Variants in LTBP1 observed in about 807,000 individuals in gnomAD.
The protein encoded by LTBP1 is latent transforming growth factor beta binding protein 1.
Under a neutral mutation model 207.6 loss-of-function variants are expected in LTBP1, and 129 were observed. The ratio of observed to expected loss-of-function variants is 0.62; its 90% CI spans 0.54 to 0.72. LTBP1 has a LOEUF of 0.72. Among genes scored for constraint, LTBP1 ranks in the 30% least tolerant of loss-of-function variants. The probability of loss-of-function intolerance (pLI) is 0.00; values close to 1 mark genes in which losing one functional copy is unlikely to be tolerated. For missense variants in LTBP1, 2,281 were observed against 2,217.2 expected (o/e 1.03, Z -0.58); for synonymous variants, 963 against 833.7 (o/e 1.16, Z -2.67).
At chr2:32,974,225 G>A (rs1558460023) in intron 2 of LTBP1, among the ~76,000 whole-genome samples, 1 of 152,152 alleles carries the variant, frequency 6.6e-6, no homozygotes, top group African/African-American at 2.4e-5. Context: ...AACAGCGTAT[G>A]AAGGTTCCCT....
chr2:33,114,830 G>T (rs1221713993), intron 4 of LTBP1, among the ~76,000 whole-genome samples: 2 of 152,088 alleles, frequency 1.3e-5, no homozygotes, highest in East Asian at 1.9e-4. Context: ...TTAAGATACT[G>T]CATGAGTTTC....
rs1226490955 is a variant in LTBP1, at chr2:33,342,939, C to T, written c.3832C>T (p.Pro1278Ser). ...CCTCTGTTATCAGGGCTTTCAAGCC[C>T]CACAGGATGGGCAAGGGTGTGTGGG... Reference protein sequence around the residue: ...RCLCYQGFQAPQDGQGCVDVN... With the variant: ...RCLCYQGFQASQDGQGCVDVN... The change falls in exon 25 of 34, where the codon CCA (proline) becomes TCA (serine). Residue 1278 changes from proline to serine, a missense_variant. By Grantham distance (74) the Pro-to-Ser change is moderately conservative. Around this residue, in one of 3 missense-constraint regions of LTBP1, gnomAD observed 1,671 missense variants for 1,634.8 expected, o/e 1.02. Coordinates refer to ENST00000404816, the MANE Select transcript of LTBP1 (RefSeq NM_206943.4). 3 of 1,613,858 alleles carry T rather than the reference C, an allele frequency of 1.9e-6. No individual in the cohort carries two copies. Among genetic ancestry groups the T allele is most frequent in the African/African-American group, 2.7e-5 (2 of 75,038 alleles).
chr2:32,966,862 T>G lies in LTBP1; in HGVS notation c.565+17917T>G, dbSNP rs117081435. Among the ~76,000 whole-genome samples, 46 of 152,262 alleles carry G rather than the reference T, an allele frequency of 3.0e-4. No individual in the cohort carries two copies. In the East Asian group the frequency reaches 7.9e-3, roughly 26 times the overall value. Reference sequence around the variant, plus strand: ...TGTTCCTGTAATGTCTTTGCCTGATTTTGGTATTAGGGTGATGCTGGCCTC... The same window carrying G: ...TGTTCCTGTAATGTCTTTGCCTGATGTTGGTATTAGGGTGATGCTGGCCTC... On this transcript the variant is annotated intron_variant, in intron 2 of 33. Transcript: ENST00000404816.
intron 31 of LTBP1, among the ~76,000 whole-genome samples, chr2:33,373,094 A>G (rs2095089980): frequency 6.6e-6 from 1 of 152,244 alleles, no homozygotes; most frequent in African/African-American, 2.4e-5. Flanking sequence ...CATTGTAAGT[A>G]AACGGAACAA....
At chr2:33,263,516 G>A in intron 15 of LTBP1, 124 bp downstream of exon 15, 3 of 609,226 alleles carry the variant, frequency 4.9e-6, no homozygotes, top group Admixed American at 2.7e-5. Context: ...GCAAATATTT[G>A]GAAATCATCT....
intron 31 of LTBP1, among the ~76,000 whole-genome samples, chr2:33,380,915 T>C (rs926065494): frequency 1.3e-5 from 2 of 152,164 alleles, no homozygotes; most frequent in African/African-American, 4.8e-5. Context: ...GTTCTTTGTA[T>C]GTATAACTTA....
At chr2:33,210,225 A>G (rs2090204877) in intron 7 of LTBP1, among the ~76,000 whole-genome samples, 1 of 152,222 alleles carries the variant, frequency 6.6e-6, no homozygotes, top group Non-Finnish European at 1.5e-5. Context: ...GAGATAAGAT[A>G]TTATTCGTGC....
chr2:33,240,645 C>CTTTTTTTT (rs869193074), intron 9 of LTBP1, among the ~76,000 whole-genome samples: 4 of 100,816 alleles, frequency 4.0e-5, no homozygotes, highest in East Asian at 2.7e-4. Context: ...TGGAAACATT[C>CTTTTTTTT]TTTTTTTTTT....
chr2:33,215,870 C>T (rs1397047349), intron 7 of LTBP1, among the ~76,000 whole-genome samples: 1 of 152,030 alleles, frequency 6.6e-6, no homozygotes, highest in Middle Eastern at 3.2e-3. Context: ...CACGCACCAC[C>T]ACGCTGGCTA....
intron 3 of LTBP1, among the ~76,000 whole-genome samples, chr2:33,031,545 G>A (rs914468676): frequency 6.6e-6 from 1 of 152,208 alleles, no homozygotes; most frequent in African/African-American, 2.4e-5. Flanking sequence ...AAACTATGTG[G>A]TGCATAGTAT....
chr2:33,389,244 A>G lies in LTBP1; in HGVS notation c.4772A>G (p.Asp1591Gly). ...VTGRRQPYGR[D>G]ALVDFSEQYT... The stretch of plus-strand genomic sequence containing the variant: ...GGACGCCGGCAGCCATATGGACGGG[A>G]CGCCTTGGTTGACTTCAGTGAACAG... Residue 1591 changes from aspartate to glycine, a missense_variant, in exon 32 of 34, where the codon GAC becomes GGC. Coordinates refer to ENST00000404816, the MANE Select transcript of LTBP1 (RefSeq NM_206943.4). The G allele has an allele frequency of 6.2e-7, 1 of 1,614,156 alleles. No individual in the cohort carries two copies.
At chr2:32,978,534 A>G (rs1468077185) in intron 2 of LTBP1, among the ~76,000 whole-genome samples, 2 of 151,246 alleles carry the variant, frequency 1.3e-5, no homozygotes, top group Non-Finnish European at 2.9e-5. Context: ...CATCCTTGCA[A>G]CCCCGGGATA....
At chr2:33,118,025 T>C (rs1432426602) in intron 4 of LTBP1, among the ~76,000 whole-genome samples, 1 of 152,084 alleles carries the variant, frequency 6.6e-6, no homozygotes, top group Non-Finnish European at 1.5e-5. Flanking sequence ...TGGGCAGCTC[T>C]GCTCCTCTGA....
chr2:33,182,711 C>T (rs1240222879), intron 5 of LTBP1, among the ~76,000 whole-genome samples: 4,501 of 65,636 alleles, frequency 0.069, 628 homozygotes, highest in African/African-American at 0.13. Context: ...CACACACACA[C>T]ACACACACAC....
At chr2:33,138,674 A>T (rs2082338619) in intron 5 of LTBP1, among the ~76,000 whole-genome samples, 1 of 152,180 alleles carries the variant, frequency 6.6e-6, no homozygotes, top group Admixed American at 6.5e-5. Context: ...CACAACTAGA[A>T]TATTTCAAAC....
chr2:33,229,899 G>C (rs1265939520), intron 9 of LTBP1, among the ~76,000 whole-genome samples: 2 of 152,132 alleles, frequency 1.3e-5, no homozygotes, highest in African/African-American at 4.8e-5. Context: ...TATTTCATGG[G>C]TCCTCAAGGA....
intron 20 of LTBP1, among the ~76,000 whole-genome samples, chr2:33,294,760 G>T (rs754236859): frequency 6.6e-6 from 1 of 151,574 alleles, no homozygotes; most frequent in African/African-American, 2.4e-5. Flanking sequence ...TGTATTTTTA[G>T]TAAAGACGAG....
At chr2:33,247,089 A>C (rs1367300880) in intron 10 of LTBP1, among the ~76,000 whole-genome samples, 1 of 152,174 alleles carries the variant, frequency 6.6e-6, no homozygotes, top group African/African-American at 2.4e-5. Context: ...GTTCAGTAAA[A>C]AGGCCCAGAT....
rs539263074 is a variant in LTBP1, at chr2:33,014,483, T to C, written c.566-6426T>C. Among the ~76,000 whole-genome samples the C allele has an allele frequency of 2.6e-5, 4 of 152,300 alleles. No homozygotes were observed. The South Asian group carries it at 8.3e-4, about 32-fold the overall frequency. ...GTGAAGACACACACAGCAAAGCAATTTCTCACCTGCTGTCTCTGATCACAG... is the reference window on the plus strand; with the variant it reads ...GTGAAGACACACACAGCAAAGCAATCTCTCACCTGCTGTCTCTGATCACAG... On this transcript the variant is annotated intron_variant, in intron 2 of 33. Transcript: ENST00000404816.
Sources: allele counts gnomAD v4.1 joint callset (sites outside exome capture counted in the v4.1 genomes callset), GRCh38; gene constraint gnomAD v4.1.1; regional missense constraint gnomAD v4.1.1; transcripts MANE v1.5; gene names NCBI Gene and HGNC (gene_info 2026-07-23, HGNC 2026-07-21).